CAMKMT: variants seen among roughly 807,000 people sequenced by gnomAD.
CAMKMT encodes the protein calmodulin-lysine N-methyltransferase.
A neutral mutation model predicts 48.0 loss-of-function variants in CAMKMT; 53 were observed. The observed-to-expected ratio is 1.10, with a 90% CI of 0.89 to 1.39. The LOEUF (loss-of-function observed/expected upper bound fraction) is 1.39, where lower values mean the gene tolerates loss of function less well. Among genes scored for constraint, CAMKMT ranks in the 40% most tolerant of loss-of-function variants. The pLI is 0.00. For synonymous variants in CAMKMT, 165 were observed against 152.3 expected (o/e 1.08, Z -0.61); for missense variants, 428 against 402.7 (o/e 1.06, Z -0.54).
chr2:44,581,947 C>G (rs1572850386), intron 3 of CAMKMT, among the ~76,000 whole-genome samples: 1 of 152,216 alleles, frequency 6.6e-6, no homozygotes, highest in Non-Finnish European at 1.5e-5. Flanking sequence ...TGCAGTGAGC[C>G]AAGATCGTGC....
intron 3 of CAMKMT, among the ~76,000 whole-genome samples, chr2:44,609,138 C>G (rs1671461612): frequency 6.6e-6 from 1 of 152,152 alleles, no homozygotes; most frequent in South Asian, 2.1e-4. Flanking sequence ...AGCTCGTGTC[C>G]TAAGAAAGTT....
chr2:44,500,015 T>A (rs1295665841), intron 3 of CAMKMT, among the ~76,000 whole-genome samples: 3 of 152,290 alleles, frequency 2.0e-5, no homozygotes, highest in South Asian at 4.2e-4. Context: ...TTTATGAAAT[T>A]TCACTCTTCA....
At chr2:44,414,275 T>A (rs936760975) in intron 3 of CAMKMT, among the ~76,000 whole-genome samples, 1 of 152,222 alleles carries the variant, frequency 6.6e-6, no homozygotes, top group African/African-American at 2.4e-5. Context: ...AAATATTTAT[T>A]ATCTAACAAA....
intron 3 of CAMKMT, among the ~76,000 whole-genome samples, chr2:44,398,523 C>T (rs542458320): frequency 1.2e-3 from 180 of 150,274 alleles, no homozygotes; most frequent in African/African-American, 4.2e-3. Context: ...AAACCAAATG[C>T]GGGCTTTGTT....
At chr2:44,455,676 C>G (rs1402017876) in intron 3 of CAMKMT, among the ~76,000 whole-genome samples, 1 of 152,150 alleles carries the variant, frequency 6.6e-6, no homozygotes, top group Non-Finnish European at 1.5e-5. Context: ...GTTATTTAAC[C>G]ACTTTGTGCC....
intron 7 of CAMKMT, among the ~76,000 whole-genome samples, chr2:44,731,869 G>C (rs1259925511): frequency 1.3e-5 from 2 of 152,130 alleles, no homozygotes; most frequent in Non-Finnish European, 2.9e-5. Context: ...GAGCTATCCA[G>C]CTACAAAGCC....
intron 3 of CAMKMT, among the ~76,000 whole-genome samples, chr2:44,637,831 T>C (rs374128237): frequency 6.6e-6 from 1 of 151,370 alleles, no homozygotes; most frequent in African/African-American, 2.4e-5. Context: ...CTTTGGGAGG[T>C]TGAGGCGGGC....
intron 3 of CAMKMT, among the ~76,000 whole-genome samples, chr2:44,699,371 C>A (rs1445267433): frequency 6.6e-6 from 1 of 152,212 alleles, no homozygotes; most frequent in East Asian, 1.9e-4. Context: ...ATGGAAACAA[C>A]ATTAATCTCC....
At chr2:44,445,797 G>A (rs1013168330) in intron 3 of CAMKMT, among the ~76,000 whole-genome samples, 2 of 149,752 alleles carry the variant, frequency 1.3e-5, no homozygotes, top group Non-Finnish European at 3.0e-5. Flanking sequence ...TTTAATACAT[G>A]TTTTCTAATA....
intron 3 of CAMKMT, among the ~76,000 whole-genome samples, chr2:44,688,548 T>C (rs1676465754): frequency 1.3e-5 from 2 of 151,470 alleles, no homozygotes. Flanking sequence ...ATATATTTAA[T>C]TTCAGATGGC....
chr2:44,398,218 C>G (rs191895569), intron 3 of CAMKMT, among the ~76,000 whole-genome samples: 3 of 152,264 alleles, frequency 2.0e-5, no homozygotes, highest in East Asian at 1.9e-4. Context: ...GGTGGTGGCA[C>G]AGGAATTTAA....
At chr2:44,425,824 G>A (rs773796071) in intron 3 of CAMKMT, among the ~76,000 whole-genome samples, 33 of 151,684 alleles carry the variant, frequency 2.2e-4, no homozygotes, top group Non-Finnish European at 3.5e-4. Context: ...TCCACCTCCC[G>A]AGTTTAAGCC....
At chr2:44,434,961 T>C (rs1666128394) in intron 3 of CAMKMT, among the ~76,000 whole-genome samples, 1 of 152,316 alleles carries the variant, frequency 6.6e-6, no homozygotes, top group South Asian at 2.1e-4. Context: ...TTTGCTGTTA[T>C]TTCCAACTTC....
At chr2:44,744,747 A>G (rs973283583) in intron 8 of CAMKMT, among the ~76,000 whole-genome samples, 1 of 152,098 alleles carries the variant, frequency 6.6e-6, no homozygotes, top group Non-Finnish European at 1.5e-5. Flanking sequence ...TTCAATGGAT[A>G]ACTTTTCTAC....
intron 3 of CAMKMT, among the ~76,000 whole-genome samples, chr2:44,486,079 C>G (rs1484008719): frequency 6.6e-6 from 1 of 152,194 alleles, no homozygotes; most frequent in African/African-American, 2.4e-5. Context: ...ATTCTCATGC[C>G]TCAGCCTCCT....
At chr2:44,447,033 AT>A (rs2104579926) in intron 3 of CAMKMT, among the ~76,000 whole-genome samples, 1 of 152,320 alleles carries the variant, frequency 6.6e-6, no homozygotes, top group Admixed American at 6.5e-5. Flanking sequence ...TCTGCACAAA[AT>A]TTTGGTACAT....
Position 44,462,033 on chromosome 2 carries a change from C to T in CAMKMT, c.376+71728C>T, listed in dbSNP as rs1572565546. ...CATATTTCTACTTCCAATTATGTTTCCTTTCTCCTTATATCTTTGGAGAAG... is the reference window on the plus strand; with the variant it reads ...CATATTTCTACTTCCAATTATGTTTTCTTTCTCCTTATATCTTTGGAGAAG... On this transcript the variant is annotated intron_variant, in intron 3 of 10. Transcript: ENST00000378494. Among the ~76,000 whole-genome samples the T allele has an allele frequency of 2.0e-5, 3 of 152,222 alleles. No homozygotes were observed. The East Asian group carries it at 5.8e-4, about 29-fold the overall frequency.
At chr2:44,654,404 A>T (rs1425533672) in intron 3 of CAMKMT, among the ~76,000 whole-genome samples, 1 of 152,228 alleles carries the variant, frequency 6.6e-6, no homozygotes, top group African/African-American at 2.4e-5. Context: ...TGAAGAAGAA[A>T]AAAACTACTC....
At chr2:44,592,763 C>G (rs543221130) in intron 3 of CAMKMT, among the ~76,000 whole-genome samples, 39 of 152,220 alleles carry the variant, frequency 2.6e-4, no homozygotes, top group Non-Finnish European at 4.6e-4. Flanking sequence ...TAAGGGAGGA[C>G]TACTGTACTT....
Sources: gnomAD v4.1 joint callset for allele counts (sites outside exome capture counted in the v4.1 genomes callset) on GRCh38, gnomAD v4.1.1 for gene constraint, MANE v1.5 for transcripts, NCBI Gene and HGNC (gene_info 2026-07-23, HGNC 2026-07-21) for gene names.